Variants in B3GALT1 observed in about 807,000 individuals in gnomAD.
B3GALT1 encodes UDP-Gal:betaGlcNAc beta 1,3-galactosyltransferase, polypeptide 1.
In B3GALT1, 10 loss-of-function variants were observed where a neutral mutation model predicts 23.2. The observed-to-expected ratio is 0.43, with a 90% CI of 0.27 to 0.73. B3GALT1 has a LOEUF of 0.73. Among genes scored for constraint, B3GALT1 ranks in the 30% least tolerant of loss-of-function variants. B3GALT1 has a pLI of 0.21. For missense variants in B3GALT1, 299 were observed against 405.4 expected, an observed-to-expected ratio of 0.74 and a Z score of 2.25; for synonymous variants, 156 against 141.5, an observed-to-expected ratio of 1.10 and a Z score of -0.73.
At chr2:167,461,636 A>C (rs1016700727) in intron 1 of B3GALT1, among the ~76,000 whole-genome samples, 3 of 152,118 alleles carry the variant, frequency 2.0e-5, no homozygotes, top group Non-Finnish European at 2.9e-5. Context: ...ATAATGAAAA[A>C]TTTTCAAAAG....
intron 3 of B3GALT1, among the ~76,000 whole-genome samples, chr2:167,727,558 C>T (rs936887013): frequency 6.6e-6 from 1 of 152,152 alleles, no homozygotes; most frequent in African/African-American, 2.4e-5. Flanking sequence ...AAAATCTCAA[C>T]CCATTACTGC....
At chr2:167,429,838 C>T (rs1382271840) in intron 1 of B3GALT1, among the ~76,000 whole-genome samples, 2 of 152,224 alleles carry the variant, frequency 1.3e-5, no homozygotes, top group East Asian at 3.9e-4. Flanking sequence ...TACCAAGTGA[C>T]AAATTTATGT....
At chr2:167,399,116 G>A (rs982765709) in intron 1 of B3GALT1, among the ~76,000 whole-genome samples, 2 of 152,162 alleles carry the variant, frequency 1.3e-5, no homozygotes, top group African/African-American at 4.8e-5. Context: ...AGATGCCTTG[G>A]ATAGCAGTGG....
chr2:167,729,823 C>T (rs931771788), intron 3 of B3GALT1, among the ~76,000 whole-genome samples: 1 of 152,046 alleles, frequency 6.6e-6, no homozygotes, highest in Admixed American at 6.6e-5. Flanking sequence ...TGGCCAAAAT[C>T]CCTTTGATAA....
At chr2:167,459,572 C>A (rs1699225435) in intron 1 of B3GALT1, among the ~76,000 whole-genome samples, 1 of 152,060 alleles carries the variant, frequency 6.6e-6, no homozygotes, top group Non-Finnish European at 1.5e-5. Flanking sequence ...TAGCTTTGGA[C>A]TAATAATTTT....
chr2:167,617,098 A>G (rs527277089), intron 2 of B3GALT1, among the ~76,000 whole-genome samples: 1 of 152,212 alleles, frequency 6.6e-6, no homozygotes, highest in East Asian at 1.9e-4. Context: ...TTAAGCACAC[A>G]GGAACTTTTT....
intron 3 of B3GALT1, among the ~76,000 whole-genome samples, chr2:167,681,955 A>G (rs1437721265): frequency 2.0e-5 from 3 of 152,236 alleles, no homozygotes; most frequent in Non-Finnish European, 4.4e-5. Context: ...AAGGCAAATC[A>G]TATTAAATCA....
intron 2 of B3GALT1, among the ~76,000 whole-genome samples, chr2:167,596,120 G>A (rs1237905): frequency 0.82 from 124,559 of 152,182 alleles, 51,027 homozygotes; most frequent in Admixed American, 0.87. Context: ...CTAGAAGAGC[G>A]TAGATATTTT....
chr2:167,479,179 T>C (rs1032196110), intron 1 of B3GALT1, among the ~76,000 whole-genome samples: 9 of 152,122 alleles, frequency 5.9e-5, no homozygotes, highest in African/African-American at 2.2e-4. Flanking sequence ...TTCCCCACTG[T>C]GTAAAACAAG....
At chr2:167,329,408 C>A (rs752727024) in intron 1 of B3GALT1, among the ~76,000 whole-genome samples, 1 of 152,170 alleles carries the variant, frequency 6.6e-6, no homozygotes, top group South Asian at 2.1e-4. Flanking sequence ...TGTCACCTAA[C>A]ATAATGTGTA....
chr2:167,782,727 G>GA (rs1317355398), intron 3 of B3GALT1, among the ~76,000 whole-genome samples: 3 of 152,152 alleles, frequency 2.0e-5, no homozygotes, highest in Admixed American at 6.5e-5. Context: ...ATTCTTGGTA[G>GA]AAAAGTATGC....
chr2:167,808,866 T>C (rs1397161455), intron 3 of B3GALT1, among the ~76,000 whole-genome samples: 1 of 152,224 alleles, frequency 6.6e-6, no homozygotes, highest in Non-Finnish European at 1.5e-5. Context: ...CTGGATAATA[T>C]CCTGCAGCGT....
chr2:167,649,132 T>A (rs965764353), intron 3 of B3GALT1, among the ~76,000 whole-genome samples: 1 of 152,250 alleles, frequency 6.6e-6, no homozygotes, highest in Admixed American at 6.5e-5. Context: ...CCCTACTTTA[T>A]CCACAGATAA....
At chr2:167,402,290 G>A (rs1378029509) in intron 1 of B3GALT1, among the ~76,000 whole-genome samples, 1 of 151,982 alleles carries the variant, frequency 6.6e-6, no homozygotes, top group African/African-American at 2.4e-5. Flanking sequence ...AAAAAATTTA[G>A]AGTAATATTT....
At chr2:167,799,423 A>G (rs1032079392) in intron 3 of B3GALT1, among the ~76,000 whole-genome samples, 3 of 152,032 alleles carry the variant, frequency 2.0e-5, no homozygotes, top group African/African-American at 7.2e-5. Flanking sequence ...TCCCTCTTAT[A>G]CGTGAGAACA....
chr2:167,550,070 C>T (rs1683718480), intron 2 of B3GALT1, among the ~76,000 whole-genome samples: 1 of 152,142 alleles, frequency 6.6e-6, no homozygotes, highest in Admixed American at 6.6e-5. Flanking sequence ...TTTAAATGTA[C>T]TTAGCTTATC....
chr2:167,607,794 A>G (rs1346480681), intron 2 of B3GALT1, among the ~76,000 whole-genome samples: 1 of 152,232 alleles, frequency 6.6e-6, no homozygotes, highest in Non-Finnish European at 1.5e-5. Context: ...AAATTCCACT[A>G]GAAACTCTTA....
chr2:167,300,043 C>T (rs1696421016), intron 1 of B3GALT1, among the ~76,000 whole-genome samples: 1 of 151,990 alleles, frequency 6.6e-6, no homozygotes, highest in African/African-American at 2.4e-5. Context: ...GCTGGGATTA[C>T]AGATTCCCGC....
At chr2:167,592,073 T>C (rs116552730) in intron 2 of B3GALT1, among the ~76,000 whole-genome samples, 60 of 152,274 alleles carry the variant, frequency 3.9e-4, no homozygotes, top group African/African-American at 1.4e-3. Flanking sequence ...GCTAGAAATG[T>C]TACCATTATC....
Sources: gnomAD v4.1 joint callset for allele counts (sites outside exome capture counted in the v4.1 genomes callset) on GRCh38, gnomAD v4.1.1 for gene constraint, MANE v1.5 for transcripts, NCBI Gene and HGNC (gene_info 2026-07-23, HGNC 2026-07-21) for gene names.